The following LPP variants were observed in gnomAD, a reference collection of about 807,000 sequenced individuals.
The protein encoded by LPP is lipoma-preferred partner.
LPP carries 38 observed loss-of-function variants against 60.4 expected under a neutral mutation model. The observed-to-expected ratio is 0.63, with a 90% CI of 0.49 to 0.83. The LOEUF (loss-of-function observed/expected upper bound fraction) is 0.83, where lower values mean the gene tolerates loss of function less well. Among genes scored for constraint, LPP ranks in the 40% least tolerant of loss-of-function variants. The pLI is 0.00. For synonymous variants in LPP, 328 were observed against 290.8 expected (o/e 1.13, Z -1.30); for missense variants, 902 against 783.6 (o/e 1.15, Z -1.80).
intron 2 of LPP, among the ~76,000 whole-genome samples, chr3:188,339,667 G>T (rs534876212): frequency 6.6e-6 from 1 of 152,222 alleles, no homozygotes; most frequent in South Asian, 2.1e-4. Flanking sequence ...AACAGCATGG[G>T]GGAAATTGCC....
In LPP at chr3:188,863,399, A is replaced by G. The variant is rs557719524; in HGVS notation, c.1411-2801A>G. 9.2e-5 allele frequency among the ~76,000 whole-genome samples: 14 copies of G among 152,282 alleles called. No individual in the cohort carries two copies. In the South Asian group the frequency reaches 2.7e-3, roughly 29 times the overall value. On this transcript the variant is annotated intron_variant, in intron 9 of 11. Transcript: ENST00000617246. ...CTCTCTGCATTATTAGGAGTCAGGT[A>G]ACTGGGGTACCAGTCCCACCTCTGC...
chr3:188,826,908 A>ATCTTCTCCTG (rs774252613), intron 9 of LPP, among the ~76,000 whole-genome samples: 5 of 152,122 alleles, frequency 3.3e-5, no homozygotes, highest in Non-Finnish European at 7.3e-5. Context: ...ATCCTATCTT[A>ATCTTCTCCTG]TCTTCTCCTG....
chr3:188,210,448 T>C (rs569360993), intron 1 of LPP, among the ~76,000 whole-genome samples: 2 of 152,260 alleles, frequency 1.3e-5, no homozygotes, highest in East Asian at 1.9e-4. Flanking sequence ...GATGGAAAGA[T>C]GGAATTTGCA....
At chr3:188,524,604 GAACTT>G in intron 5 of LPP, 56 bp from the exon 6 acceptor site, 2 of 1,512,172 alleles carry the variant, frequency 1.3e-6, no homozygotes, top group East Asian at 4.8e-5. Flanking sequence ...TGAGAAATTT[GAACTT>G]ATAATGATAT....
At chr3:188,308,708 C>T (rs905795395) in intron 2 of LPP, among the ~76,000 whole-genome samples, 4 of 152,046 alleles carry the variant, frequency 2.6e-5, no homozygotes, top group Admixed American at 6.6e-5. Context: ...CAGGGTGCTC[C>T]CCTTATGCGG....
At chr3:188,159,595 C>T (rs1717568242) in intron 1 of LPP, among the ~76,000 whole-genome samples, 1 of 152,180 alleles carries the variant, frequency 6.6e-6, no homozygotes, top group Non-Finnish European at 1.5e-5. Context: ...GTAGGCACTC[C>T]AGAAATACTT....
intron 1 of LPP, among the ~76,000 whole-genome samples, chr3:188,177,756 G>A (rs1404476565): frequency 6.6e-6 from 1 of 152,154 alleles, no homozygotes; most frequent in Admixed American, 6.5e-5. Context: ...GAAAAGAGAA[G>A]TGCACAGTGT....
At chr3:188,218,873 A>G (rs1308217518) in intron 1 of LPP, among the ~76,000 whole-genome samples, 1 of 152,154 alleles carries the variant, frequency 6.6e-6, no homozygotes, top group East Asian at 1.9e-4. Context: ...CCTTATGTAT[A>G]TTGCCCAAAG....
intron 7 of LPP, among the ~76,000 whole-genome samples, chr3:188,644,630 G>A (rs1418995565): frequency 6.6e-6 from 1 of 151,930 alleles, no homozygotes; most frequent in Non-Finnish European, 1.5e-5. Flanking sequence ...TAAAAAAAAA[G>A]TACTAAAATA....
chr3:188,634,043 A>G (rs1848287994), intron 7 of LPP, among the ~76,000 whole-genome samples: 4 of 152,220 alleles, frequency 2.6e-5, no homozygotes, highest in Admixed American at 2.6e-4. Flanking sequence ...GGGGATCTAC[A>G]CAAAAGTCTG....
intron 3 of LPP, among the ~76,000 whole-genome samples, chr3:188,365,462 G>A (rs1770845926): frequency 6.6e-6 from 1 of 152,238 alleles, no homozygotes; most frequent in African/African-American, 2.4e-5. Context: ...ACTTGATGAG[G>A]CACCATAATG....
intron 2 of LPP, among the ~76,000 whole-genome samples, chr3:188,287,814 T>C (rs1744478878): frequency 1.3e-5 from 2 of 152,192 alleles, no homozygotes; most frequent in African/African-American, 2.4e-5. Flanking sequence ...ATTGATTTCA[T>C]ATATATTCAT....
chr3:188,176,503 T>C (rs994949076), intron 1 of LPP, among the ~76,000 whole-genome samples: 3 of 152,074 alleles, frequency 2.0e-5, no homozygotes, highest in Non-Finnish European at 4.4e-5. Flanking sequence ...TGTTTAGTTC[T>C]ACTGCAGAAT....
At chr3:188,319,443 C>G (rs972538772) in intron 2 of LPP, among the ~76,000 whole-genome samples, 4 of 152,196 alleles carry the variant, frequency 2.6e-5, no homozygotes, top group Middle Eastern at 3.2e-3. Context: ...TTTTAAAATA[C>G]TTGTTTAATT....
intron 2 of LPP, among the ~76,000 whole-genome samples, chr3:188,235,198 G>C (rs1721455267): frequency 6.6e-6 from 1 of 152,200 alleles, no homozygotes; most frequent in Non-Finnish European, 1.5e-5. Context: ...GGTCTCTGCT[G>C]TGGAACGGGT....
chr3:188,521,624 G>T (rs1232497555), intron 5 of LPP, among the ~76,000 whole-genome samples: 1 of 152,006 alleles, frequency 6.6e-6, no homozygotes, highest in Non-Finnish European at 1.5e-5. Flanking sequence ...TATAGTTACT[G>T]GTTGCTATAA....
intron 9 of LPP, among the ~76,000 whole-genome samples, chr3:188,769,664 A>G (rs969482997): frequency 6.6e-6 from 1 of 152,166 alleles, no homozygotes; most frequent in African/African-American, 2.4e-5. Context: ...AGGTTATACG[A>G]TTTATTAACG....
At chr3:188,779,580 A>C (rs1738965888) in intron 9 of LPP, among the ~76,000 whole-genome samples, 2 of 150,650 alleles carry the variant, frequency 1.3e-5, no homozygotes, top group African/African-American at 2.4e-5. Context: ...TTTCAAAAAG[A>C]CTTTTTTTTT....
intron 1 of LPP, among the ~76,000 whole-genome samples, chr3:188,188,943 G>T (rs1255104301): frequency 6.8e-6 from 1 of 146,542 alleles, no homozygotes; most frequent in Non-Finnish European, 1.5e-5. Flanking sequence ...ATATGTACCT[G>T]TTGCCCTATG....
Sources: gnomAD v4.1 joint callset for allele counts (sites outside exome capture counted in the v4.1 genomes callset) on GRCh38, gnomAD v4.1.1 for gene constraint, MANE v1.5 for transcripts, NCBI Gene and HGNC (gene_info 2026-07-23, HGNC 2026-07-21) for gene names.